Variants in OR10J1 observed in about 807,000 individuals in gnomAD.
The protein encoded by OR10J1 is olfactory receptor family 10 subfamily J member 1.
For synonymous variants in OR10J1, 202 were observed against 143.8 expected (o/e 1.40, Z -2.89); for missense variants, 474 against 376.6 (o/e 1.26, Z -2.14).
Position 159,440,045 on chromosome 1 carries a change from T to G in OR10J1, c.254T>G (p.Leu85Arg). 6.2e-7 allele frequency: 1 copy of G among 1,614,128 alleles called. No individual in the cohort carries two copies. Among genetic ancestry groups the G allele is most frequent in the Non-Finnish European group, 8.5e-7 (1 of 1,180,030 alleles). ...LVILPRMLSS[L>R]VGMSQPISLA... ...ATTCTCCCAAGAATGCTCTCCAGCC[T>G]CGTAGGTATGAGCCAGCCCATATCA... The change falls in exon 1 of 1, where the codon CTC (leucine) becomes CGC (arginine). Residue 85 changes from leucine to arginine, a missense_variant. Coordinates refer to ENST00000423932, the MANE Select transcript of OR10J1 (RefSeq NM_012351.3).
chr1:159,407,639 A>G, the OR10J1 span, among the ~76,000 whole-genome samples: 5 of 152,124 alleles, frequency 3.3e-5, no homozygotes, highest in Non-Finnish European at 5.9e-5. Flanking sequence ...GAATACAATC[A>G]ATTTTATAAC....
chr1:159,440,422 G>T lies in OR10J1; in HGVS notation c.631G>T (p.Gly211Cys). ...ISVLVLVVPMGLVFISYVLII... is the reference protein window; with the variant it reads ...ISVLVLVVPMCLVFISYVLII... Reference sequence around the variant, plus strand: ...TGTGCTGGTGCTTGTTGTACCTATGGGTCTGGTTTTCATTTCTTATGTTCT... The same window carrying T: ...TGTGCTGGTGCTTGTTGTACCTATGTGTCTGGTTTTCATTTCTTATGTTCT... Residue 211 changes from glycine (G) to cysteine (C), a missense_variant, in exon 1 of 1, where the codon GGT becomes TGT. Physicochemically the swap from Gly to Cys is radical, Grantham distance 159. Coordinates refer to ENST00000423932, the MANE Select transcript of OR10J1 (RefSeq NM_012351.3). 6.2e-7 allele frequency: 1 copy of T among 1,614,006 alleles called. No homozygotes were observed. The highest frequency in any genetic ancestry group is 8.5e-7 in the Non-Finnish European group (1 of 1,180,000).
chr1:159,401,112 G>C, the OR10J1 span, among the ~76,000 whole-genome samples: 13 of 151,598 alleles, frequency 8.6e-5, no homozygotes, highest in Admixed American at 7.9e-4. Flanking sequence ...GCAGTACTAA[G>C]AGGGAATTTT....
the OR10J1 span, among the ~76,000 whole-genome samples, chr1:159,417,431 T>C: frequency 2.0e-5 from 3 of 152,160 alleles, no homozygotes; most frequent in African/African-American, 7.2e-5. Context: ...GGTAATTGAA[T>C]CATGGGAGCA....
At chr1:159,405,736 A>T in the OR10J1 span, 2 of 870,624 alleles carry the variant, frequency 2.3e-6, no homozygotes, top group Non-Finnish European at 3.7e-6. Flanking sequence ...GATAAAGATC[A>T]GGGCAATATG....
chr1:159,406,022 G>A, the OR10J1 span: 1 of 432,312 alleles, frequency 2.3e-6, no homozygotes, highest in Non-Finnish European at 4.5e-6. Flanking sequence ...CCATGGCTAT[G>A]AGAAGAAAGC....
At chr1:159,427,875 C>T in the OR10J1 span, among the ~76,000 whole-genome samples, 10,146 of 152,094 alleles carry the variant, frequency 0.067, 733 homozygotes, top group East Asian at 0.42. Flanking sequence ...TCCGTTAAAA[C>T]GTATGAATGA....
chr1:159,402,136 C>T, the OR10J1 span, among the ~76,000 whole-genome samples: 1 of 151,750 alleles, frequency 6.6e-6, no homozygotes, highest in East Asian at 1.9e-4. Context: ...ACAGCTAGTA[C>T]CATACTGAAT....
At chr1:159,422,021 T>C in the OR10J1 span, among the ~76,000 whole-genome samples, 3 of 152,130 alleles carry the variant, frequency 2.0e-5, no homozygotes, top group African/African-American at 7.2e-5. Context: ...TGGCAGTTGC[T>C]GCAATGCGCT....
the OR10J1 span, chr1:159,432,596 A>G: frequency 6.4e-6 from 3 of 470,566 alleles, no homozygotes; most frequent in Non-Finnish European, 7.8e-6. Flanking sequence ...GCAACCCTCT[A>G]CAGTATTCAG....
chr1:159,434,020 GACATCTCCTTTTGGT>G (rs2101701699), upstream of OR10J1, among the ~76,000 whole-genome samples: 2 of 152,106 alleles, frequency 1.3e-5, no homozygotes, highest in South Asian at 4.2e-4. Flanking sequence ...CCCTCTTTGT[GACATCTCCTTTTGGT>G]ACATTTATTG....
At chr1:159,405,790 T>G in the OR10J1 span, 1 of 1,349,098 alleles carries the variant, frequency 7.4e-7, no homozygotes, top group Non-Finnish European at 1.0e-6. Context: ...GATTATCTCA[T>G]TGACAGTGGT....
At chr1:159,401,414 G>A in the OR10J1 span, among the ~76,000 whole-genome samples, 1 of 151,870 alleles carries the variant, frequency 6.6e-6, no homozygotes, top group African/African-American at 2.4e-5. Flanking sequence ...AATGAAGAAG[G>A]TGGCATTGCA....
At chr1:159,421,134 C>T in the OR10J1 span, among the ~76,000 whole-genome samples, 1 of 151,936 alleles carries the variant, frequency 6.6e-6, no homozygotes, top group Non-Finnish European at 1.5e-5. Flanking sequence ...TTTCAAAAGG[C>T]CCATTTTTAA....
the OR10J1 span, among the ~76,000 whole-genome samples, chr1:159,409,643 C>A: frequency 6.6e-6 from 1 of 152,044 alleles, no homozygotes; most frequent in African/African-American, 2.4e-5. Context: ...CATGTATTAT[C>A]TATCTCTAAT....
At chr1:159,419,133 G>A in the OR10J1 span, among the ~76,000 whole-genome samples, 1 of 152,172 alleles carries the variant, frequency 6.6e-6, no homozygotes, top group East Asian at 1.9e-4. Flanking sequence ...TTTAAGCTGT[G>A]GACTTTTGAG....
chr1:159,440,174 A>C lies in OR10J1; in HGVS notation c.383A>C (p.Asn128Thr), dbSNP rs756397933. Residue 128 changes from asparagine to threonine, a missense_variant, in exon 1 of 1, where the codon AAC becomes ACC. Physicochemically the swap from Asn to Thr is moderately conservative, Grantham distance 65 (BLOSUM62 0). Coordinates refer to ENST00000423932, the MANE Select transcript of OR10J1 (RefSeq NM_012351.3). ...TATGACCGCTATGTGGCCATCTGCAACCCCCTGAGATACATGGTTATTATG... is the reference window on the plus strand; with the variant it reads ...TATGACCGCTATGTGGCCATCTGCACCCCCCTGAGATACATGGTTATTATG... The part of the protein sequence containing the change: ...MGYDRYVAIC[N>T]PLRYMVIMNK... 6.2e-6 allele frequency: 10 copies of C among 1,613,954 alleles called. No homozygotes were observed. In the East Asian group the frequency reaches 2.2e-4, roughly 36 times the overall value.
chr1:159,401,363 C>G, the OR10J1 span, among the ~76,000 whole-genome samples: 51 of 151,278 alleles, frequency 3.4e-4, no homozygotes, highest in Non-Finnish European at 6.1e-4. Context: ...GCCAGACTAA[C>G]AAAGAAAAAA....
In OR10J1 at chr1:159,440,823, A is replaced by C; in HGVS notation, c.*102A>C. ...TGGCTCCTAGAGACCTGCCCCTTAA[A>C]TAAGAGGCAAAAGAGGAATAGCAGT... On this transcript the variant is annotated 3_prime_UTR_variant, in exon 1 of 1. Transcript: ENST00000423932. 2 of 1,240,638 alleles carry C rather than the reference A, an allele frequency of 1.6e-6. No individual in the cohort carries two copies. The highest frequency in any genetic ancestry group is 1.6e-5 in the South Asian group (1 of 64,388). The allele number at this position is 1,240,638 out of a possible 1,614,324, so 76.9% of individuals were successfully genotyped here. A position where few individuals can be genotyped will look rare whatever the true frequency, so the allele number is the denominator to read the frequency against.
Sources: gnomAD v4.1 joint callset for allele counts (sites outside exome capture counted in the v4.1 genomes callset) on GRCh38, gnomAD v4.1.1 for gene constraint, MANE v1.5 for transcripts, NCBI Gene and HGNC (gene_info 2026-07-23, HGNC 2026-07-21) for gene names.